MTUS1: variants seen among roughly 807,000 people sequenced by gnomAD.
MTUS1 encodes microtubule associated scaffold protein 1.
MTUS1 carries 109 observed loss-of-function variants against 120.8 expected under a neutral mutation model. That is an observed-to-expected ratio of 0.90 (90% CI 0.77 to 1.06). The LOEUF (loss-of-function observed/expected upper bound fraction) is 1.06. MTUS1 is among the 50% of genes least tolerant of loss of function. MTUS1 has a pLI of 0.00. For missense variants in MTUS1, 2,210 were observed against 1,486.3 expected, an observed-to-expected ratio of 1.49 and a Z score of -8.01; for synonymous variants, 737 against 550.5, an observed-to-expected ratio of 1.34 and a Z score of -4.74.
intron 6 of MTUS1, among the ~76,000 whole-genome samples, chr8:17,707,879 C>T (rs1488959283): frequency 6.6e-6 from 1 of 152,196 alleles, no homozygotes; most frequent in African/African-American, 2.4e-5. Flanking sequence ...GGGGGAAATA[C>T]ATGTCTTCAA....
intron 1 of MTUS1, among the ~76,000 whole-genome samples, chr8:17,765,785 T>A (rs1231816255): frequency 6.6e-6 from 1 of 151,286 alleles, no homozygotes; most frequent in Non-Finnish European, 1.5e-5. Context: ...GTCAACTCAA[T>A]TCAAGGACAG....
At chr8:17,657,941 A>G (rs1039480393) in intron 8 of MTUS1, among the ~76,000 whole-genome samples, 8 of 151,548 alleles carry the variant, frequency 5.3e-5, no homozygotes, top group African/African-American at 1.9e-4. Flanking sequence ...ATGTGTATAT[A>G]TGTACATATA....
intron 2 of MTUS1, among the ~76,000 whole-genome samples, chr8:17,751,147 T>C (rs140286757): frequency 0.098 from 14,891 of 152,132 alleles, 816 homozygotes; most frequent in South Asian, 0.16. Flanking sequence ...TGAAACCCCA[T>C]CTCTAATAAA....
chr8:17,702,263 TAAGC>T (rs1819247369), intron 6 of MTUS1, among the ~76,000 whole-genome samples: 1 of 152,220 alleles, frequency 6.6e-6, no homozygotes, highest in South Asian at 2.1e-4. Context: ...CATTAAGAAA[TAAGC>T]AAGAACTGAG....
In MTUS1 at chr8:17,753,748, T is replaced by C. The variant is rs778936623; in HGVS notation, c.2060A>G (p.Asn687Ser). The part of the protein sequence containing the change: ...EKQELKQEIM[N>S]ETFEYGSLFL... ...CAGAGAACCATATTCAAAAGTCTCA[T>C]TCATAATCTCTTGTTTCAGCTCTTG... Residue 687 changes from asparagine (N) to serine (S), a missense_variant, in exon 2 of 15, where the codon AAT becomes AGT. Physicochemically the swap from Asn to Ser is conservative, Grantham distance 46. Coordinates refer to ENST00000693296, the MANE Select transcript of MTUS1 (RefSeq NM_001363059.2). 1.2e-6 allele frequency: 2 copies of C among 1,610,678 alleles called. No homozygotes were observed. Among genetic ancestry groups the C allele is most frequent in the South Asian group, 1.1e-5 (1 of 89,764 alleles).
At chr8:17,756,692 A>G (rs1031217668) in intron 1 of MTUS1, among the ~76,000 whole-genome samples, 10 of 87,538 alleles carry the variant, frequency 1.1e-4, no homozygotes, top group Non-Finnish European at 2.2e-4. Flanking sequence ...TTATGTAACT[A>G]TGTTGGAGAC....
chr8:17,686,486 A>T (rs1201262292), intron 6 of MTUS1, among the ~76,000 whole-genome samples: 1 of 152,202 alleles, frequency 6.6e-6, no homozygotes, highest in African/African-American at 2.4e-5. Context: ...ATATAGACAC[A>T]GTTCATTCTC....
intron 2 of MTUS1, among the ~76,000 whole-genome samples, chr8:17,749,681 A>C (rs1356509482): frequency 1.3e-5 from 2 of 151,692 alleles, no homozygotes; most frequent in African/African-American, 4.8e-5. Flanking sequence ...AAAAAAAAGA[A>C]AGAAAAAGAA....
rs1338195872 is a variant in MTUS1, at chr8:17,646,016, G to T, written c.3723C>A (p.Ser1241Arg). The T allele has an allele frequency of 6.2e-7, 1 of 1,613,588 alleles. No individual in the cohort carries two copies. The highest frequency in any genetic ancestry group is 2.2e-5 in the East Asian group (1 of 44,846). ...CGGAGGATGTGGGGGATCTCTTGGGGCTACACAGGTCCCCATTGTGCAGTT... is the reference window on the plus strand; with the variant it reads ...CGGAGGATGTGGGGGATCTCTTGGGTCTACACAGGTCCCCATTGTGCAGTT... ...LWKLHNGDLC[S>R]PKRSPTSSAI... Residue 1241 changes from serine to arginine, a missense_variant, in exon 15 of 15, where the codon AGC (serine) becomes AGA (arginine). Physicochemically the swap from Ser to Arg is moderately radical, Grantham distance 110. Coordinates refer to ENST00000693296, the MANE Select transcript of MTUS1 (RefSeq NM_001363059.2).
At chr8:17,740,849 G>A (rs1447022900) in intron 3 of MTUS1, among the ~76,000 whole-genome samples, 1 of 151,996 alleles carries the variant, frequency 6.6e-6, no homozygotes, top group African/African-American at 2.4e-5. Flanking sequence ...ACATACTGAG[G>A]ACAGTTCCAG....
chr8:17,693,675 A>G (rs1324475346), intron 6 of MTUS1, among the ~76,000 whole-genome samples: 1 of 152,166 alleles, frequency 6.6e-6, no homozygotes, highest in East Asian at 1.9e-4. Flanking sequence ...CTTAAAAGGC[A>G]CTTCTACTGG....
chr8:17,654,342 T>A (rs963082198), intron 10 of MTUS1: 2 of 562,578 alleles, frequency 3.6e-6, no homozygotes, highest in Non-Finnish European at 6.3e-6. Context: ...AAGCCCATCC[T>A]ATTTAACACA....
intron 1 of MTUS1, among the ~76,000 whole-genome samples, chr8:17,787,213 C>T (rs1256169723): frequency 6.6e-6 from 1 of 152,182 alleles, no homozygotes; most frequent in Non-Finnish European, 1.5e-5. Flanking sequence ...AGGAACAGGC[C>T]ACAGCCTCCA....
At chr8:17,655,700 C>T (rs1374350619) in intron 9 of MTUS1, among the ~76,000 whole-genome samples, 163 bp downstream of exon 9, 1 of 152,060 alleles carries the variant, frequency 6.6e-6, no homozygotes, top group Non-Finnish European at 1.5e-5. Context: ...CTCCAGCCTC[C>T]AGCCTGGGAG....
At chr8:17,699,907 C>T (rs1229954678) in intron 6 of MTUS1, among the ~76,000 whole-genome samples, 1 of 152,146 alleles carries the variant, frequency 6.6e-6, no homozygotes, top group Non-Finnish European at 1.5e-5. Context: ...TATTTTTATA[C>T]TATATATGCC....
intron 3 of MTUS1, among the ~76,000 whole-genome samples, chr8:17,735,284 C>T (rs2046848276): frequency 6.6e-6 from 1 of 152,090 alleles, no homozygotes; most frequent in South Asian, 2.1e-4. Flanking sequence ...CTTCATGGCC[C>T]ACCACCTATC....
At position 17,753,874 on chromosome 8, in the gene MTUS1, A is replaced by G; in HGVS notation, c.1934T>C (p.Met645Thr). The G allele has an allele frequency of 1.2e-6, 2 of 1,614,008 alleles. No individual in the cohort carries two copies. The highest frequency in any genetic ancestry group is 2.2e-5 in the South Asian group (2 of 91,076). The change falls in exon 2 of 15, where the codon ATG (methionine) becomes ACG (threonine). Residue 645 changes from methionine (M) to threonine (T), a missense_variant. Coordinates refer to ENST00000693296, the MANE Select transcript of MTUS1 (RefSeq NM_001363059.2). ...CATTTCCAAACATTCTGCACTTTCC[A>G]TTTTAACAGGGAGTATGCCTTTGAT... Reference protein sequence around the residue: ...QKIKGILPVKMESAECLEMTY... With the variant: ...QKIKGILPVKTESAECLEMTY...
In MTUS1 at chr8:17,654,551, G is replaced by C; in HGVS notation, c.3214+10C>G. 6.4e-7 allele frequency: 1 copy of C among 1,553,662 alleles called. No homozygotes were observed. Among genetic ancestry groups the C allele is most frequent in the Non-Finnish European group, 8.9e-7 (1 of 1,125,494 alleles). On this transcript the variant is annotated intron_variant, in intron 10 of 14. Transcript: ENST00000693296. ...TTATTCTGTTTAAAGAGGAAAAAAA[G>C]CATCCTTGCCTGAAAGGGAGGCTTC...
Position 17,654,568 on chromosome 8 carries a change from G to C in MTUS1, c.3207C>G (p.Ser1069=), listed in dbSNP as rs920988874. ...GAAAAAAAGCATCCTTGCCTGAAAG[G>C]GAGGCTTCATAGGCCTTCTTTAGCA... is the stretch of plus-strand genomic sequence containing the variant. The part of the protein sequence containing the change: ...LELLKKAYEA[S]LSEIKKGHEI... Residue 1069 remains serine (S), a synonymous_variant, in exon 10 of 15, where the codon TCC becomes TCG. Transcript: ENST00000693296. 2 of 1,605,800 alleles carry C rather than the reference G, an allele frequency of 1.2e-6. No homozygotes were observed. The highest frequency in any genetic ancestry group is 2.2e-5 in the East Asian group (1 of 44,842).
Sources: gnomAD v4.1 joint callset for allele counts (sites outside exome capture counted in the v4.1 genomes callset) on GRCh38, gnomAD v4.1.1 for gene constraint, MANE v1.5 for transcripts, NCBI Gene and HGNC (gene_info 2026-07-23, HGNC 2026-07-21) for gene names.